The following CNOT1 variants were observed in gnomAD, a reference collection of about 807,000 sequenced individuals.
CNOT1 encodes CCR4-associated factor 1.
CNOT1 carries 15 observed loss-of-function variants against 273.8 expected under a neutral mutation model. The observed-to-expected ratio is 0.05, with a 90% CI of 0.04 to 0.08. The LOEUF (loss-of-function observed/expected upper bound fraction) is 0.08, where lower values mean the gene tolerates loss of function less well. Ranked by LOEUF, CNOT1 falls within the 10% of genes least tolerant of loss-of-function variation. The probability of loss-of-function intolerance (pLI) is 1.00; values close to 1 mark genes in which losing one functional copy is unlikely to be tolerated. For missense variants in CNOT1, 1,644 were observed against 2,912.2 expected (o/e 0.56, Z 10.02); for synonymous variants, 1,022 against 1,005.5 (o/e 1.02, Z -0.31).
intron 7 of CNOT1, among the ~76,000 whole-genome samples, chr16:58,586,225 T>C (rs564350217): frequency 4.9e-4 from 36 of 73,160 alleles, no homozygotes; most frequent in Non-Finnish European, 7.9e-4. Context: ...GTTGTCTCTT[T>C]TTTAAAAAGA....
intron 34 of CNOT1, among the ~76,000 whole-genome samples, chr16:58,540,508 AT>A (rs1373417169): frequency 6.6e-6 from 1 of 152,244 alleles, no homozygotes; most frequent in Non-Finnish European, 1.5e-5. Context: ...TGTTATGGTC[AT>A]GAAAGATGAG....
intron 24 of CNOT1, among the ~76,000 whole-genome samples, chr16:58,550,613 A>C (rs1322359897): frequency 2.0e-5 from 3 of 152,174 alleles, no homozygotes; most frequent in Non-Finnish European, 4.4e-5. Context: ...TTGTTTTATC[A>C]CAGTAAGGCT....
chr16:58,537,815 TAA>T, intron 38 of CNOT1, 74 bp downstream of exon 38: 1 of 1,568,038 alleles, frequency 6.4e-7, no homozygotes, highest in South Asian at 1.2e-5. Flanking sequence ...GTAATGTTAG[TAA>T]GTCTGCATAT....
intron 38 of CNOT1, 62 bp downstream of exon 38, chr16:58,537,829 C>T (rs2039970805): frequency 1.3e-6 from 2 of 1,591,468 alleles, no homozygotes; most frequent in Non-Finnish European, 1.7e-6. Context: ...TCTGCATATT[C>T]ATTCCTAAAG....
At chr16:58,604,089 C>G (rs978810051) in intron 1 of CNOT1, among the ~76,000 whole-genome samples, 4 of 152,156 alleles carry the variant, frequency 2.6e-5, no homozygotes, top group African/African-American at 9.6e-5. Flanking sequence ...TGAAATACTG[C>G]TAGTCATATA....
rs901144684 is a variant in CNOT1 at position 58,520,324 on chromosome 16, A to G, written c.*634T>C. ...CCCCCATCTCAGGCGGCTGAGGTGT[A>G]TAATCCCCAAAAGAAATAAGATGGT... is the stretch of plus-strand genomic sequence containing the variant. On this transcript the variant is annotated 3_prime_UTR_variant, in exon 49 of 49. Coordinates refer to ENST00000317147, the MANE Select transcript of CNOT1 (RefSeq NM_016284.5). 6 of 152,574 alleles carry G rather than the reference A, an allele frequency of 3.9e-5. No homozygotes were observed. The highest frequency in any genetic ancestry group is 1.4e-4 in the African/African-American group (6 of 41,426). 9.5% of individuals were successfully genotyped at this position (152,574 alleles called of 1,614,324 possible).
chr16:58,604,507 C>T (rs1048355200), intron 1 of CNOT1, among the ~76,000 whole-genome samples: 2 of 151,310 alleles, frequency 1.3e-5, no homozygotes, highest in Non-Finnish European at 2.9e-5. Flanking sequence ...AAAGGCTGGG[C>T]GCGGTGGCTC....
chr16:58,602,120 G>T (rs2042488654), intron 1 of CNOT1, among the ~76,000 whole-genome samples: 1 of 151,820 alleles, frequency 6.6e-6, no homozygotes, highest in South Asian at 2.1e-4. Flanking sequence ...CCAGGCTGGA[G>T]TGAAATGGCA....
intron 47 of CNOT1, 150 bp downstream of exon 47, chr16:58,523,220 G>C (rs147012235): frequency 6.9e-6 from 5 of 722,496 alleles, no homozygotes; most frequent in Non-Finnish European, 1.0e-5. Flanking sequence ...ACTGCAGACT[G>C]AGTGACAGAG....
Position 58,543,459 on chromosome 16 carries a change from A to C in CNOT1, c.4434+148T>G, listed in dbSNP as rs139225614. 119 of 1,500,658 alleles carry C rather than the reference A, an allele frequency of 7.9e-5. 1 individual carries two copies. The East Asian group carries it at 2.6e-3, about 33-fold the overall frequency. The allele number at this position is 1,500,658 out of a possible 1,614,324, so 93.0% of individuals were successfully genotyped here. On this transcript the variant is annotated intron_variant, in intron 31 of 48. Transcript: ENST00000317147. ...ATGATGCTTTGCCTCACAGAATTAC[A>C]ATCTAAAATGATGGAAGACATCAAA...
intron 21 of CNOT1, among the ~76,000 whole-genome samples, chr16:58,555,041 T>C (rs1419912910): frequency 6.6e-6 from 1 of 151,582 alleles, no homozygotes; most frequent in Non-Finnish European, 1.5e-5. Context: ...TGAAACCCTG[T>C]CTGTACAAAA....
At position 58,541,614 on chromosome 16, in the gene CNOT1, C is replaced by A; in HGVS notation, c.4687G>T (p.Gly1563Cys). The part of the protein sequence containing the change: ...MPEQIRLKVG[G>C]VDPKQLAVYE... ...ACAGCCAACTGCTTTGGGTCCACAC[C>A]ACCAACCTTGAAAGAAGAAAACCTA... The change falls in exon 34 of 49, where the codon GGT (glycine) becomes TGT (cysteine). Residue 1563 changes from glycine to cysteine, a missense_variant. By Grantham distance (159) the Gly-to-Cys change is radical (BLOSUM62 -3). Coordinates refer to ENST00000317147, the MANE Select transcript of CNOT1 (RefSeq NM_016284.5). The A allele has an allele frequency of 1.2e-6, 2 of 1,612,006 alleles. No homozygotes were observed. The highest frequency in any genetic ancestry group is 1.7e-6 in the Non-Finnish European group (2 of 1,179,358).
At chr16:58,616,569 T>C (rs1411753818) in intron 1 of CNOT1, among the ~76,000 whole-genome samples, 1 of 152,192 alleles carries the variant, frequency 6.6e-6, no homozygotes, top group Non-Finnish European at 1.5e-5. Flanking sequence ...TTTTTTCGTT[T>C]TTTGTTTTTA....
chr16:58,548,656 G>A (rs747025211), intron 25 of CNOT1: 34 of 515,554 alleles, frequency 6.6e-5, no homozygotes, highest in African/African-American at 6.2e-4. Context: ...AATGACCCAA[G>A]TTATTGAGCA....
At chr16:58,576,725 C>A in intron 13 of CNOT1, 143 bp from the exon 14 acceptor site, 1 of 1,327,770 alleles carries the variant, frequency 7.5e-7, no homozygotes, top group Non-Finnish European at 1.0e-6. Context: ...TCAAACTATG[C>A]AATTACCGTG....
In CNOT1 at chr16:58,531,636, A is replaced by G. The variant is rs1391675991; in HGVS notation, c.6177+322T>C. Among the ~76,000 whole-genome samples the G allele has an allele frequency of 2.0e-5, 3 of 152,204 alleles. No individual in the cohort carries two copies. In the East Asian group the frequency reaches 5.8e-4, roughly 29 times the overall value. On this transcript the variant is annotated intron_variant, in intron 42 of 48. Coordinates refer to ENST00000317147, the MANE Select transcript of CNOT1 (RefSeq NM_016284.5). ...CCCCAAAAAAACCCTTAACTGACAAATATGTAAAATAAATCATTCCTGTAT... is the reference window on the plus strand; with the variant it reads ...CCCCAAAAAAACCCTTAACTGACAAGTATGTAAAATAAATCATTCCTGTAT...
intron 1 of CNOT1, among the ~76,000 whole-genome samples, chr16:58,626,712 A>G (rs1204233536): frequency 6.6e-6 from 1 of 151,804 alleles, no homozygotes; most frequent in Non-Finnish European, 1.5e-5. Flanking sequence ...GTGAGCTGAG[A>G]TCGCACCACT....
chr16:58,533,690 TG>T (rs1254526973), intron 40 of CNOT1, among the ~76,000 whole-genome samples: 4 of 151,764 alleles, frequency 2.6e-5, no homozygotes, highest in African/African-American at 4.8e-5. Flanking sequence ...CCGGGCATGT[TG>T]GCAAGTGCCT....
rs13336772 is a variant in CNOT1 at position 58,596,915 on chromosome 16, A to C, written c.102+2321T>G. 3.4e-3 allele frequency among the ~76,000 whole-genome samples: 459 copies of C among 136,342 alleles called. 4 individuals carry two copies. The highest frequency in any genetic ancestry group is 0.012 in the African/African-American group (432 of 36,300). 89.4% of individuals were successfully genotyped at this position (136,342 alleles called of 152,430 possible). On this transcript the variant is annotated intron_variant, in intron 2 of 48. Transcript: ENST00000317147. ...AAAAAAAAAAAAAAAAAAAAAAAAA[A>C]AACAAAAGTCAATTTAATATGTGGC...
Sources: allele counts gnomAD v4.1 joint callset (sites outside exome capture counted in the v4.1 genomes callset), GRCh38; gene constraint gnomAD v4.1.1; transcripts MANE v1.5; gene names NCBI Gene and HGNC (gene_info 2026-07-23, HGNC 2026-07-21).